SCNN1B: variants seen among roughly 807,000 people sequenced by gnomAD.
SCNN1B encodes the protein sodium channel epithelial 1 subunit beta, also known as epithelial sodium channel subunit beta.
A neutral mutation model predicts 65.3 loss-of-function variants in SCNN1B; 46 were observed. That is an observed-to-expected ratio of 0.70 (90% CI 0.56 to 0.90). The LOEUF is 0.90. SCNN1B is among the 40% of genes least tolerant of loss of function. SCNN1B has a pLI of 0.00. For missense variants in SCNN1B, 751 were observed against 830.5 expected (o/e 0.90, Z 1.18); for synonymous variants, 349 against 330.6 (o/e 1.06, Z -0.60).
chr16:23,357,828 G>A (rs1962451388), intron 4 of SCNN1B, among the ~76,000 whole-genome samples: 1 of 152,116 alleles, frequency 6.6e-6, no homozygotes, highest in Non-Finnish European at 1.5e-5. Flanking sequence ...TCTTGGCCAG[G>A]GTCCTTTGCT....
intron 3 of SCNN1B, 170 bp downstream of exon 3, chr16:23,353,244 A>T (rs2142020642): frequency 1.4e-6 from 1 of 732,048 alleles, no homozygotes; most frequent in African/African-American, 1.8e-5. Flanking sequence ...TTGGCATGTT[A>T]GTCAAGACTC....
intron 3 of SCNN1B, 83 bp from the exon 4 acceptor site, chr16:23,355,216 C>T (rs1434134564): frequency 7.1e-7 from 1 of 1,402,066 alleles, no homozygotes; most frequent in Non-Finnish European, 1.0e-6. Context: ...ACAGCTCTTG[C>T]CCTGCTAGGG....
At chr16:23,335,610 C>A (rs1200686387) in intron 1 of SCNN1B, among the ~76,000 whole-genome samples, 1 of 151,976 alleles carries the variant, frequency 6.6e-6, no homozygotes, top group African/African-American at 2.4e-5. Flanking sequence ...CCATGCCCAG[C>A]TAATATTTGT....
At chr16:23,374,013 C>A (rs1267187222) in intron 7 of SCNN1B, among the ~76,000 whole-genome samples, 1 of 152,130 alleles carries the variant, frequency 6.6e-6, no homozygotes, top group African/African-American at 2.4e-5. Flanking sequence ...CCATGGACAC[C>A]CCAACCAGGA....
At chr16:23,349,400 C>A (rs1185022614) in intron 2 of SCNN1B, among the ~76,000 whole-genome samples, 2 of 152,144 alleles carry the variant, frequency 1.3e-5, no homozygotes, top group Non-Finnish European at 2.9e-5. Context: ...GGTGGGAGAA[C>A]TGCTTGAGCC....
chr16:23,377,771 T>TTCC (rs1962944391), intron 10 of SCNN1B, among the ~76,000 whole-genome samples: 2 of 99,654 alleles, frequency 2.0e-5, no homozygotes, highest in South Asian at 6.7e-4. Context: ...TCCTTCCTCC[T>TTCC]TTCTTCCTCC....
At chr16:23,311,801 C>T (rs1961349163) in intron 1 of SCNN1B, among the ~76,000 whole-genome samples, 1 of 152,122 alleles carries the variant, frequency 6.6e-6, no homozygotes, top group South Asian at 2.1e-4. Context: ...CTGATACATG[C>T]CTGGCTCATT....
intron 2 of SCNN1B, among the ~76,000 whole-genome samples, chr16:23,289,178 C>G (rs1027224960): frequency 1.3e-5 from 2 of 152,198 alleles, no homozygotes; most frequent in African/African-American, 2.4e-5. Context: ...TAGCACCCTT[C>G]GAAGATGACT....
chr16:23,346,200 CT>C (rs753802362), intron 1 of SCNN1B, among the ~76,000 whole-genome samples: 75 of 77,988 alleles, frequency 9.6e-4, no homozygotes, highest in African/African-American at 2.0e-3. Flanking sequence ...TTTTCCTTTT[CT>C]TTTTTTTTTT....
intron 2 of SCNN1B, among the ~76,000 whole-genome samples, chr16:23,292,696 T>G (rs528491033): frequency 1.1e-3 from 163 of 148,558 alleles, no homozygotes; most frequent in Middle Eastern, 7.3e-3. Context: ...TTGAGATGCA[T>G]TTTTGCCATG....
intron 4 of SCNN1B, among the ~76,000 whole-genome samples, chr16:23,365,326 G>T (rs1359557128): frequency 6.8e-6 from 1 of 146,148 alleles, no homozygotes. Flanking sequence ...GAGAAAGAGA[G>T]AAAAAGGGAG....
intron 1 of SCNN1B, among the ~76,000 whole-genome samples, chr16:23,317,109 C>A (rs559071900): frequency 2.6e-5 from 4 of 152,350 alleles, no homozygotes; most frequent in African/African-American, 9.6e-5. Flanking sequence ...AAATTTGATT[C>A]CTAGCTCTGC....
chr16:23,313,272 C>A (rs1961382530), intron 1 of SCNN1B, among the ~76,000 whole-genome samples: 1 of 152,270 alleles, frequency 6.6e-6, no homozygotes, highest in African/African-American at 2.4e-5. Context: ...ATTCTCTGGT[C>A]CCCTCCCCAT....
intron 2 of SCNN1B, among the ~76,000 whole-genome samples, chr16:23,285,645 T>A (rs1960839592): frequency 7.0e-6 from 1 of 141,924 alleles, no homozygotes; most frequent in African/African-American, 2.8e-5. Flanking sequence ...TTAGCAAGAG[T>A]AAAAAAACAA....
intron 1 of SCNN1B, among the ~76,000 whole-genome samples, chr16:23,279,074 G>GGGGTGT (rs1960747247): frequency 7.8e-6 from 1 of 128,356 alleles, no homozygotes; most frequent in African/African-American, 4.2e-5. Flanking sequence ...GTGTGTGTGG[G>GGGGTGT]GTGTGTGTGT....
At chr16:23,301,852 T>C (rs1961090318), upstream of SCNN1B, among the ~76,000 whole-genome samples, 4 of 152,160 alleles carry the variant, frequency 2.6e-5, no homozygotes, top group Admixed American at 2.0e-4. Context: ...TGGCTGCATA[T>C]GTCCCCCTAA....
chr16:23,335,166 T>G (rs1208678510), intron 1 of SCNN1B, among the ~76,000 whole-genome samples: 3 of 152,248 alleles, frequency 2.0e-5, no homozygotes, highest in African/African-American at 7.2e-5. Context: ...CAATATTTGC[T>G]GACTGAATAG....
intron 2 of SCNN1B, chr16:23,283,876 T>C (rs1354753086): frequency 6.6e-6 from 1 of 152,110 alleles, no homozygotes; most frequent in Non-Finnish European, 1.5e-5. Context: ...CAGAACTTGG[T>C]CCACCTAGAA....
At position 23,376,738 on chromosome 16, in the gene SCNN1B, C is replaced by A. The variant is rs1169554709; in HGVS notation, c.1271-427C>A. Among the ~76,000 whole-genome samples, 24 of 138,994 alleles carry A rather than the reference C, an allele frequency of 1.7e-4. No homozygotes were observed. In the South Asian group the frequency reaches 4.3e-3, roughly 25 times the overall value. The allele number at this position is 138,994 out of a possible 152,430, so 91.2% of individuals were successfully genotyped here. The stretch of plus-strand genomic sequence containing the variant: ...CAGCCTGGCCAACATGGCAAAACCC[C>A]GTCTATAAAAAAAAAAAAAAAAGAA... On this transcript the variant is annotated intron_variant, in intron 8 of 12. Transcript: ENST00000343070.
Sources: gnomAD v4.1 joint callset for allele counts (sites outside exome capture counted in the v4.1 genomes callset) on GRCh38, gnomAD v4.1.1 for gene constraint, MANE v1.5 for transcripts, NCBI Gene and HGNC (gene_info 2026-07-23, HGNC 2026-07-21) for gene names.